The following AGTPBP1 variants were observed in gnomAD, a reference collection of about 807,000 sequenced individuals.
AGTPBP1 encodes the protein cytosolic carboxypeptidase 1.
A neutral mutation model predicts 143.9 loss-of-function variants in AGTPBP1; 70 were observed. The ratio of observed to expected loss-of-function variants is 0.49; its 90% CI spans 0.40 to 0.59. AGTPBP1 has a LOEUF of 0.59. Among genes scored for constraint, AGTPBP1 ranks in the 20% least tolerant of loss-of-function variants. The probability of loss-of-function intolerance (pLI) is 0.00; values close to 1 mark genes in which losing one functional copy is unlikely to be tolerated. For missense variants in AGTPBP1, 1,229 were observed against 1,464.5 expected (o/e 0.84, Z 2.62); for synonymous variants, 463 against 500.2 (o/e 0.93, Z 0.99).
the AGTPBP1 span, among the ~76,000 whole-genome samples, chr9:85,803,604 G>C: frequency 1.1e-3 from 168 of 152,188 alleles, no homozygotes; most frequent in Non-Finnish European, 2.0e-3. Context: ...TTTGAGCAGC[G>C]AGACTCTGAA....
At chr9:85,706,006 A>G (rs1836971688) in intron 2 of AGTPBP1, among the ~76,000 whole-genome samples, 1 of 151,718 alleles carries the variant, frequency 6.6e-6, no homozygotes, top group Non-Finnish European at 1.5e-5. Flanking sequence ...AGGTTTTTAT[A>G]CTATGTAGGA....
intron 3 of AGTPBP1, among the ~76,000 whole-genome samples, chr9:85,689,295 T>C (rs548640674): frequency 1.3e-5 from 2 of 152,292 alleles, no homozygotes; most frequent in African/African-American, 2.4e-5. Flanking sequence ...CAGAAAACGC[T>C]AGCCATTCCC....
intron 1 of AGTPBP1, among the ~76,000 whole-genome samples, chr9:85,737,401 G>A (rs1823873821): frequency 6.6e-6 from 1 of 152,164 alleles, no homozygotes; most frequent in South Asian, 2.1e-4. Context: ...TCTCAGAAAT[G>A]AATAAACTGA....
At chr9:85,652,625 T>C (rs1325034227) in intron 11 of AGTPBP1, among the ~76,000 whole-genome samples, 2 of 152,208 alleles carry the variant, frequency 1.3e-5, no homozygotes, top group African/African-American at 2.4e-5. Flanking sequence ...CCTTCTCTTA[T>C]ACCTGGCTCT....
intron 2 of AGTPBP1, among the ~76,000 whole-genome samples, chr9:85,704,468 T>A (rs986048761): frequency 6.6e-6 from 1 of 152,118 alleles, no homozygotes; most frequent in Non-Finnish European, 1.5e-5. Context: ...ATCAAAATTT[T>A]AAAATCTCAT....
intron 19 of AGTPBP1, among the ~76,000 whole-genome samples, chr9:85,590,174 T>C (rs1828865619): frequency 6.6e-6 from 1 of 152,160 alleles, no homozygotes; most frequent in African/African-American, 2.4e-5. Flanking sequence ...TACGGGTTTG[T>C]TGTAAAATGT....
At chr9:85,770,061 T>TTGTGTGTGTGTGTGTGTG in the AGTPBP1 span, among the ~76,000 whole-genome samples, 25 of 148,384 alleles carry the variant, frequency 1.7e-4, 1 homozygote, top group South Asian at 8.6e-4. Context: ...TGTTAATCTG[T>TTGTGTGTGTGTGTGTGTG]TGTGTGTGTG....
At chr9:85,719,100 T>C (rs74603963) in intron 1 of AGTPBP1, among the ~76,000 whole-genome samples, 2,271 of 152,278 alleles carry the variant, frequency 0.015, 25 homozygotes, top group Middle Eastern at 0.037. Flanking sequence ...AGTCAGGTAG[T>C]GTGATGCCTC....
chr9:85,654,169 C>T (rs956925785), intron 11 of AGTPBP1, among the ~76,000 whole-genome samples: 4 of 151,820 alleles, frequency 2.6e-5, no homozygotes, highest in South Asian at 4.1e-4. Context: ...AAAGAATCTT[C>T]GTTTTTTTTC....
rs11141017 is a variant in AGTPBP1 at position 85,549,128 on chromosome 9, G to A, written c.3504-1842C>T. On this transcript the variant is annotated intron_variant, in intron 25 of 25. Transcript: ENST00000357081. The stretch of plus-strand genomic sequence containing the variant: ...CTGAAGCAAAGAAAGGGAAAAGAGG[G>A]AAGGGAGAAAAGACAAATCTTCTCT... Among the ~76,000 whole-genome samples the A allele has an allele frequency of 9.5e-3, 1,448 of 152,298 alleles. 24 individuals carry two copies. The highest frequency in any genetic ancestry group is 0.033 in the African/African-American group (1,380 of 41,544).
intron 7 of AGTPBP1, 90 bp downstream of exon 7, chr9:85,672,460 T>C (rs901454818): frequency 2.9e-6 from 4 of 1,389,332 alleles, no homozygotes; most frequent in Non-Finnish European, 4.0e-6. Context: ...TTTTCACAAA[T>C]ATCAGAGGTT....
chr9:85,623,771 A>G (rs1425742608), intron 14 of AGTPBP1, among the ~76,000 whole-genome samples: 7 of 151,138 alleles, frequency 4.6e-5, no homozygotes, highest in Admixed American at 3.9e-4. Flanking sequence ...AAAAAAAAAA[A>G]GGAGGGAAAC....
At chr9:85,573,529 G>A (rs1388949416) in intron 25 of AGTPBP1, among the ~76,000 whole-genome samples, 10 of 151,994 alleles carry the variant, frequency 6.6e-5, no homozygotes, top group South Asian at 2.1e-4. Flanking sequence ...CCGCCACCCC[G>A]TCTGGGAAGT....
chr9:85,713,863 GAC>G (rs1837537404), intron 1 of AGTPBP1, among the ~76,000 whole-genome samples: 1 of 151,900 alleles, frequency 6.6e-6, no homozygotes, highest in African/African-American at 2.4e-5. Context: ...TCTTTTTTAA[GAC>G]ACAACTACAA....
At chr9:85,641,720 C>A (rs562744763) in intron 13 of AGTPBP1, among the ~76,000 whole-genome samples, 4 of 150,770 alleles carry the variant, frequency 2.7e-5, no homozygotes, top group Non-Finnish European at 5.9e-5. Context: ...TTTTTTTAGA[C>A]GAAGTCTCAT....
chr9:85,787,099 C>T, the AGTPBP1 span, among the ~76,000 whole-genome samples: 1 of 152,134 alleles, frequency 6.6e-6, no homozygotes, highest in Non-Finnish European at 1.5e-5. Flanking sequence ...CATTTACAGT[C>T]CTCAGAGCTC....
chr9:85,724,372 T>C (rs7025831), intron 1 of AGTPBP1, among the ~76,000 whole-genome samples: 9,499 of 151,504 alleles, frequency 0.063, 367 homozygotes, highest in Non-Finnish European at 0.093. Flanking sequence ...GTAGTGCAAA[T>C]AGACTAAGAC....
rs569826477 is a variant in AGTPBP1, at chr9:85,635,535, A to G, written c.1303-2161T>C. ...CATATATTAAATATTTACAATTGTTACATATATTAAAATATTTTAAGTTTG... is the reference window on the plus strand; with the variant it reads ...CATATATTAAATATTTACAATTGTTGCATATATTAAAATATTTTAAGTTTG... On this transcript the variant is annotated intron_variant, in intron 13 of 25. Transcript: ENST00000357081. Among the ~76,000 whole-genome samples the G allele has an allele frequency of 7.9e-5, 12 of 152,344 alleles. No homozygotes were observed. In the East Asian group the frequency reaches 2.3e-3, roughly 29 times the overall value.
At chr9:85,638,271 G>T (rs920570769) in intron 13 of AGTPBP1, among the ~76,000 whole-genome samples, 2 of 151,980 alleles carry the variant, frequency 1.3e-5, no homozygotes, top group South Asian at 4.1e-4. Context: ...AGAGTAACTA[G>T]AATTTTTGCG....
Sources: gnomAD v4.1 joint callset for allele counts (sites outside exome capture counted in the v4.1 genomes callset) on GRCh38, gnomAD v4.1.1 for gene constraint, MANE v1.5 for transcripts, NCBI Gene and HGNC (gene_info 2026-07-23, HGNC 2026-07-21) for gene names.